SIPA1L2: variants seen among roughly 807,000 people sequenced by gnomAD.
SIPA1L2 encodes signal induced proliferation associated 1 like 2.
In SIPA1L2, 56 loss-of-function variants were observed where a neutral mutation model predicts 163.9. The ratio of observed to expected loss-of-function variants is 0.34; its 90% CI spans 0.28 to 0.43. The LOEUF is 0.43. SIPA1L2 is among the 20% of genes least tolerant of loss of function. The probability of loss-of-function intolerance (pLI) is 1.00; values close to 1 mark genes in which losing one functional copy is unlikely to be tolerated. For synonymous variants in SIPA1L2, 877 were observed against 865.7 expected (o/e 1.01, Z -0.23); for missense variants, 1,974 against 2,193.5 (o/e 0.90, Z 2.00).
chr1:232,520,780 T>C (rs1023595920), intron 2 of SIPA1L2, among the ~76,000 whole-genome samples: 3 of 152,110 alleles, frequency 2.0e-5, no homozygotes, highest in Non-Finnish European at 4.4e-5. Flanking sequence ...GATCCCACTT[T>C]TACCCTCTCT....
chr1:232,476,670 C>A (rs1053586765), intron 7 of SIPA1L2, among the ~76,000 whole-genome samples: 6 of 152,132 alleles, frequency 3.9e-5, no homozygotes, highest in African/African-American at 1.4e-4. Flanking sequence ...AGCAGGGTTT[C>A]TTATCATTCT....
chr1:232,421,960 A>AT (rs1661602538), intron 18 of SIPA1L2, among the ~76,000 whole-genome samples: 1 of 152,312 alleles, frequency 6.6e-6, no homozygotes, highest in South Asian at 2.1e-4. Flanking sequence ...CCAAAAAATT[A>AT]TCTTTAAGCC....
intron 2 of SIPA1L2, among the ~76,000 whole-genome samples, chr1:232,528,310 G>GA (rs1172859570): frequency 6.6e-6 from 1 of 152,028 alleles, no homozygotes; most frequent in Non-Finnish European, 1.5e-5. Flanking sequence ...CTTAGGGCAG[G>GA]AAAGTAAGCA....
chr1:232,533,836 G>A (rs1657130838), intron 2 of SIPA1L2, among the ~76,000 whole-genome samples: 1 of 152,164 alleles, frequency 6.6e-6, no homozygotes, highest in Non-Finnish European at 1.5e-5. Context: ...GAATCCAGTA[G>A]CAAGTCTGTC....
chr1:232,603,937 A>C (rs1661748625), intron 1 of SIPA1L2, among the ~76,000 whole-genome samples: 1 of 152,176 alleles, frequency 6.6e-6, no homozygotes, highest in African/African-American at 2.4e-5. Flanking sequence ...GAAATACAGA[A>C]GTGAAGCGAG....
intron 16 of SIPA1L2, among the ~76,000 whole-genome samples, chr1:232,431,075 C>T (rs929511005): frequency 2.0e-5 from 3 of 152,252 alleles, no homozygotes; most frequent in Non-Finnish European, 4.4e-5. Context: ...GCTCCTTTCA[C>T]ACTTCCCTGA....
chr1:232,487,868 A>G (rs1013131428), intron 5 of SIPA1L2, among the ~76,000 whole-genome samples: 4 of 151,834 alleles, frequency 2.6e-5, no homozygotes, highest in African/African-American at 7.3e-5. Flanking sequence ...ACAAACCAGG[A>G]TGGACTGCAA....
intron 2 of SIPA1L2, among the ~76,000 whole-genome samples, chr1:232,540,996 C>A (rs1015549437): frequency 9.9e-5 from 15 of 152,122 alleles, no homozygotes; most frequent in Middle Eastern, 3.2e-3. Context: ...AACACAAGAA[C>A]AGAAAACCAA....
chr1:232,508,425 C>T (rs1666830545), intron 3 of SIPA1L2, among the ~76,000 whole-genome samples: 1 of 152,204 alleles, frequency 6.6e-6, no homozygotes, highest in Admixed American at 6.5e-5. Flanking sequence ...CCTCACGTGT[C>T]AACACACAGT....
intron 2 of SIPA1L2, among the ~76,000 whole-genome samples, chr1:232,518,973 ACCACAAAAGTTTCATTT>A (rs1667333183): frequency 1.3e-5 from 1 of 74,590 alleles, no homozygotes. Context: ...ATATATTGTA[ACCACAAAAGTTTCATTT>A]GATATAACTT....
At chr1:232,468,906 A>G (rs1169465675) in intron 8 of SIPA1L2, among the ~76,000 whole-genome samples, 1 of 152,212 alleles carries the variant, frequency 6.6e-6, no homozygotes, top group Non-Finnish European at 1.5e-5. Context: ...TGCTTTTTAA[A>G]TATTTTCAGG....
At chr1:232,405,525 T>A (rs965131821) in intron 19 of SIPA1L2, among the ~76,000 whole-genome samples, 2 of 152,184 alleles carry the variant, frequency 1.3e-5, no homozygotes, top group Non-Finnish European at 2.9e-5. Context: ...GGGGGCAGAA[T>A]CCTGGCTGGG....
In SIPA1L2 at chr1:232,514,844, T is replaced by C; in HGVS notation, c.496A>G (p.Ile166Val). The C allele has an allele frequency of 3.1e-6, 5 of 1,614,106 alleles. No homozygotes were observed. Among genetic ancestry groups the C allele is most frequent in the Non-Finnish European group, 4.2e-6 (5 of 1,179,940 alleles). The change falls in exon 3 of 23, where the codon ATC becomes GTC. Residue 166 changes from isoleucine to valine, a missense_variant. Transcript: ENST00000674635. ...IRQRSNSDVT[I>V]SDIDAEDVLD... ...ACATCTTCGGCATCAATGTCACTGA[T>C]AGTGACATCACTATTGCTCCTCTGT...
At position 232,439,410 on chromosome 1, in the gene SIPA1L2, C is replaced by T. The variant is rs1203603995; in HGVS notation, c.3729G>A (p.Gly1243=). The change falls in exon 15 of 23, where the codon GGG becomes GGA. Residue 1243 remains glycine, a synonymous_variant. Transcript: ENST00000674635. ...ATTCGGGGTCCATCAGGTCGCCAGA[C>T]CCAAAGTGCTTGTCGTCACTGTTGC... The part of the protein sequence containing the change: ...TSSNSDDKHF[G]SGDLMDPELL... 1 of 1,614,092 alleles carries T rather than the reference C, an allele frequency of 6.2e-7. No individual in the cohort carries two copies. Among genetic ancestry groups the T allele is most frequent in the Non-Finnish European group, 8.5e-7 (1 of 1,180,052 alleles).
chr1:232,589,716 T>A (rs898894924), intron 1 of SIPA1L2, among the ~76,000 whole-genome samples: 2 of 152,174 alleles, frequency 1.3e-5, no homozygotes, highest in Admixed American at 1.3e-4. Context: ...TTCCCTCAAC[T>A]CTCTGTCAAC....
chr1:232,431,113 A>G (rs906230858), intron 16 of SIPA1L2, among the ~76,000 whole-genome samples: 2 of 152,204 alleles, frequency 1.3e-5, no homozygotes, highest in Non-Finnish European at 1.5e-5. Flanking sequence ...TCGCCTAAAC[A>G]TAGTACTACG....
intron 10 of SIPA1L2, among the ~76,000 whole-genome samples, chr1:232,447,623 C>CT (rs1204563323): frequency 6.6e-6 from 1 of 152,234 alleles, no homozygotes; most frequent in African/African-American, 2.4e-5. Flanking sequence ...CCATTCTTGG[C>CT]TATGGGGGCC....
intron 1 of SIPA1L2, among the ~76,000 whole-genome samples, chr1:232,597,921 T>G (rs887796051): frequency 5.3e-5 from 8 of 152,110 alleles, no homozygotes; most frequent in Admixed American, 5.2e-4. Context: ...CACACCTCAC[T>G]TTTAAAACCT....
chr1:232,438,448 G>A (rs924017656), intron 15 of SIPA1L2, among the ~76,000 whole-genome samples: 1 of 152,240 alleles, frequency 6.6e-6, no homozygotes, highest in South Asian at 2.1e-4. Context: ...AGTGAAGGCA[G>A]AAATCGCAAA....
Sources: allele counts gnomAD v4.1 joint callset (sites outside exome capture counted in the v4.1 genomes callset), GRCh38; gene constraint gnomAD v4.1.1; transcripts MANE v1.5; gene names NCBI Gene and HGNC (gene_info 2026-07-23, HGNC 2026-07-21).